The following SLC5A12 variants were observed in gnomAD, a reference collection of about 807,000 sequenced individuals.
The protein encoded by SLC5A12 is sodium-coupled monocarboxylate transporter 2.
Under a neutral mutation model 72.7 loss-of-function variants are expected in SLC5A12, and 46 were observed. The ratio of observed to expected loss-of-function variants is 0.63; its 90% CI spans 0.50 to 0.81. SLC5A12 has a LOEUF of 0.81. Among genes scored for constraint, SLC5A12 ranks in the 30% least tolerant of loss-of-function variants. The pLI is 0.00. For missense variants in SLC5A12, 683 were observed against 740.7 expected, an observed-to-expected ratio of 0.92 and a Z score of 0.90; for synonymous variants, 275 against 264.4, an observed-to-expected ratio of 1.04 and a Z score of -0.39.
chr11:26,695,113 A>G (rs1263104590), intron 8 of SLC5A12, among the ~76,000 whole-genome samples: 1 of 151,996 alleles, frequency 6.6e-6, no homozygotes, highest in Non-Finnish European at 1.5e-5. Flanking sequence ...AAACCCCTAG[A>G]TATCAGGAAA....
At position 26,680,328 on chromosome 11, in the gene SLC5A12, C is replaced by CAT. The variant is rs754498970; in HGVS notation, c.1475+725_1475+726dup. ...TCATATATATATATGTATATATATT[C>CAT]ATATATATATGTATATATATTCATA... On this transcript the variant is annotated intron_variant, in intron 12 of 14. Transcript: ENST00000396005. 9.9e-4 allele frequency among the ~76,000 whole-genome samples: 74 copies of CAT among 74,964 alleles called. 2 individuals are homozygous for CAT. In the East Asian group the frequency reaches 0.015, roughly 16 times the overall value. The allele number at this position is 74,964 out of a possible 152,430, so 49.2% of individuals were successfully genotyped here.
chr11:26,709,872 T>G (rs560120393), intron 3 of SLC5A12, among the ~76,000 whole-genome samples: 1 of 150,614 alleles, frequency 6.6e-6, no homozygotes, highest in East Asian at 1.9e-4. Context: ...TGAGTTTTAA[T>G]AGATCTTTGA....
intron 3 of SLC5A12, among the ~76,000 whole-genome samples, 162 bp from the exon 4 acceptor site, chr11:26,709,541 G>A (rs1209539705): frequency 6.6e-6 from 1 of 152,048 alleles, no homozygotes; most frequent in Non-Finnish European, 1.5e-5. Context: ...CTTCGAGAAA[G>A]ATTATTTTTA....
At chr11:26,716,177 T>TG (rs1444372500) in intron 1 of SLC5A12, 1 of 152,152 alleles carries the variant, frequency 6.6e-6, no homozygotes, top group African/African-American at 2.4e-5. Flanking sequence ...ATAGGGATCT[T>TG]GAAAAAAATC....
At chr11:26,699,147 A>G (rs527595879) in intron 6 of SLC5A12, among the ~76,000 whole-genome samples, 26 of 152,326 alleles carry the variant, frequency 1.7e-4, no homozygotes, top group African/African-American at 6.3e-4. Flanking sequence ...GTGTTTTTGT[A>G]GTATCCTACG....
At chr11:26,684,629 C>T (rs1854487498) in intron 10 of SLC5A12, among the ~76,000 whole-genome samples, 1 of 152,048 alleles carries the variant, frequency 6.6e-6, no homozygotes, top group Non-Finnish European at 1.5e-5. Context: ...GCCCAGGATA[C>T]TCATCTGAAC....
chr11:26,697,501 G>T (rs1221047026), intron 7 of SLC5A12, among the ~76,000 whole-genome samples: 7 of 152,062 alleles, frequency 4.6e-5, no homozygotes, highest in African/African-American at 1.2e-4. Context: ...AGACTTCAGG[G>T]AATCTAGATA....
In SLC5A12 at chr11:26,669,325, A is replaced by G. The variant is rs1454211472; in HGVS notation, c.*1777T>C. 1 of 151,244 alleles carries G rather than the reference A, an allele frequency of 6.6e-6. No individual in the cohort carries two copies. Among genetic ancestry groups the G allele is most frequent in the African/African-American group, 2.4e-5 (1 of 41,160 alleles). 9.4% of individuals were successfully genotyped at this position (151,244 alleles called of 1,614,324 possible). On this transcript the variant is annotated 3_prime_UTR_variant, in exon 15 of 15. Transcript: ENST00000396005. ...ATTCACAAAATATATATTCTAATTAATAAGAGTGTCACAAATCATTTGGAA... is the reference window on the plus strand; with the variant it reads ...ATTCACAAAATATATATTCTAATTAGTAAGAGTGTCACAAATCATTTGGAA...
In SLC5A12 at chr11:26,720,830, A is replaced by G. The variant is rs117108501; in HGVS notation, c.339+546T>C. Among the ~76,000 whole-genome samples the G allele has an allele frequency of 2.6e-3, 398 of 152,148 alleles. 3 individuals carry two copies. The highest frequency in any genetic ancestry group is 6.8e-3 in the Middle Eastern group (2 of 294). On this transcript the variant is annotated intron_variant, in intron 1 of 14. Coordinates refer to ENST00000396005, the MANE Select transcript of SLC5A12 (RefSeq NM_178498.4). ...GTTAAAATGTTTTGTACTTTTCAAA[A>G]ATGTTTCCATTTCCTCATTAAAAAT...
In SLC5A12 at chr11:26,669,207, C is replaced by CTTTCTTTCTTTCTTTCTTTCTT. The variant is rs1854079921; in HGVS notation, c.*1894_*1895insAAGAAAGAAAGAAAGAAAGAAA. Reference sequence around the variant, plus strand: ...TCTTCTTTTCTTTCTTTCTTTCTTTCTTTCTTTCTTTCTCTCTCTCCCTCC... The same window carrying CTTTCTTTCTTTCTTTCTTTCTT: ...TCTTCTTTTCTTTCTTTCTTTCTTTCTTTCTTTCTTTCTTTCTTTCTTTTTCTTTCTTTCTCTCTCTCCCTCC... On this transcript the variant is annotated 3_prime_UTR_variant, in exon 15 of 15. Coordinates refer to ENST00000396005, the MANE Select transcript of SLC5A12 (RefSeq NM_178498.4). 1 of 119,436 alleles carries CTTTCTTTCTTTCTTTCTTTCTT rather than the reference C, an allele frequency of 8.4e-6. No homozygotes were observed. 7.4% of individuals were successfully genotyped at this position (119,436 alleles called of 1,614,324 possible).
Position 26,669,217 on chromosome 11 carries a change from TTCTCTCTCTCCCTCCC to T in SLC5A12, c.*1869_*1884del, listed in dbSNP as rs368293080. 2.5e-5 allele frequency: 2 copies of T among 81,622 alleles called. No homozygotes were observed. The highest frequency in any genetic ancestry group is 9.9e-5 in the African/African-American group (2 of 20,192). 5.1% of individuals were successfully genotyped at this position (81,622 alleles called of 1,614,324 possible). ...TTTCTTTCTTTCTTTCTTTCTTTCTTTCTCTCTCTCCCTCCCTCTTTCTTTCTCTCTTCTTTCCCTA... is the reference window on the plus strand; with the variant it reads ...TTTCTTTCTTTCTTTCTTTCTTTCTTTCTTTCTTTCTCTCTTCTTTCCCTA... On this transcript the variant is annotated 3_prime_UTR_variant, in exon 15 of 15. Transcript: ENST00000396005.
At chr11:26,695,459 T>C (rs553674560) in intron 8 of SLC5A12, among the ~76,000 whole-genome samples, 3 of 152,234 alleles carry the variant, frequency 2.0e-5, no homozygotes, top group Admixed American at 6.5e-5. Flanking sequence ...AAACCATAAG[T>C]ATACTAGAAT....
At chr11:26,693,410 G>A (rs1854731961) in intron 8 of SLC5A12, among the ~76,000 whole-genome samples, 1 of 152,196 alleles carries the variant, frequency 6.6e-6, no homozygotes, top group Non-Finnish European at 1.5e-5. Flanking sequence ...CTGGGAAGTA[G>A]CCACAAATCG....
intron 4 of SLC5A12, among the ~76,000 whole-genome samples, chr11:26,705,415 A>C (rs533438868): frequency 6.6e-6 from 1 of 152,248 alleles, no homozygotes; most frequent in Admixed American, 6.6e-5. Context: ...TAACATTGAA[A>C]AACAGAATTA....
chr11:26,704,973 C>T (rs1328172816), intron 4 of SLC5A12, among the ~76,000 whole-genome samples: 2 of 152,028 alleles, frequency 1.3e-5, no homozygotes, highest in African/African-American at 4.8e-5. Context: ...GTAAGTGGAA[C>T]AGAGTTCCAG....
rs114277448 is a variant in SLC5A12, at chr11:26,721,317, G to T, written c.339+59C>A. 1.3e-3 allele frequency: 1,626 copies of T among 1,222,404 alleles called. 16 individuals carry two copies. The African/African-American group carries it at 0.022, about 16-fold the overall frequency. The allele number at this position is 1,222,404 out of a possible 1,614,324, so 75.7% of individuals were successfully genotyped here. ...TCAGTGAGTGTTCTTCAACTACCAG[G>T]TGCTATCATCAAGAGGATGAGAAAA... On this transcript the variant is annotated intron_variant, in intron 1 of 14. Coordinates refer to ENST00000396005, the MANE Select transcript of SLC5A12 (RefSeq NM_178498.4).
intron 1 of SLC5A12, among the ~76,000 whole-genome samples, chr11:26,717,249 G>A (rs1199072341): frequency 6.6e-6 from 1 of 152,034 alleles, no homozygotes; most frequent in East Asian, 1.9e-4. Flanking sequence ...AGTAGCCCGG[G>A]CATTATCATA....
At chr11:26,679,786 T>C (rs1283840880) in intron 12 of SLC5A12, among the ~76,000 whole-genome samples, 1 of 152,090 alleles carries the variant, frequency 6.6e-6, no homozygotes, top group East Asian at 1.9e-4. Flanking sequence ...AGCTCCAGGA[T>C]AAAAAGGTTG....
Position 26,697,154 on chromosome 11 carries a change from C to T in SLC5A12, c.1040+10G>A, listed in dbSNP as rs772012487. The T allele has an allele frequency of 4.4e-6, 7 of 1,607,064 alleles. No individual in the cohort carries two copies. Among genetic ancestry groups the T allele is most frequent in the Non-Finnish European group, 6.0e-6 (7 of 1,175,968 alleles). On this transcript the variant is annotated intron_variant, in intron 8 of 14. Coordinates refer to ENST00000396005, the MANE Select transcript of SLC5A12 (RefSeq NM_178498.4). ...CATCATCATCATCAGATTGTTGTTGCTATACTAACCTCAGAGTTCCACTGA... is the reference window on the plus strand; with the variant it reads ...CATCATCATCATCAGATTGTTGTTGTTATACTAACCTCAGAGTTCCACTGA...
Sources: gnomAD v4.1 joint callset for allele counts (sites outside exome capture counted in the v4.1 genomes callset) on GRCh38, gnomAD v4.1.1 for gene constraint, MANE v1.5 for transcripts, NCBI Gene and HGNC (gene_info 2026-07-23, HGNC 2026-07-21) for gene names.